Variants in KIF13A observed in about 807,000 individuals in gnomAD.
The protein encoded by KIF13A is kinesin family member 13A.
A neutral mutation model predicts 212.2 loss-of-function variants in KIF13A; 79 were observed. The ratio of observed to expected loss-of-function variants is 0.37; its 90% CI spans 0.31 to 0.45. The LOEUF is 0.45. Ranked by LOEUF, KIF13A falls within the 20% of genes least tolerant of loss-of-function variation. The pLI, the probability that KIF13A is intolerant of heterozygous loss-of-function variation, is 1.00. For synonymous variants in KIF13A, 789 were observed against 808.6 expected, an observed-to-expected ratio of 0.98 and a Z score of 0.41; for missense variants, 1,901 against 2,209.0, an observed-to-expected ratio of 0.86 and a Z score of 2.79.
chr6:17,972,917 A>G (rs1186319028), intron 2 of KIF13A, among the ~76,000 whole-genome samples: 1 of 152,124 alleles, frequency 6.6e-6, no homozygotes, highest in African/African-American at 2.4e-5. Flanking sequence ...AGCCTCTTCT[A>G]ACAGCAGCCA....
chr6:17,888,096 C>A lies in KIF13A; in HGVS notation c.159+10072G>T, dbSNP rs560659225. Among the ~76,000 whole-genome samples the A allele has an allele frequency of 6.6e-6, 1 of 152,068 alleles. No homozygotes were observed. Among genetic ancestry groups the A allele is most frequent in the Non-Finnish European group, 1.5e-5 (1 of 68,006 alleles). ...TGAAGTTCCATGTTTAGCTATGAAG[C>A]CTTCTTCCTCAGAAGACACAAGACA... On this transcript the variant is annotated intron_variant, in intron 3 of 38. Coordinates refer to ENST00000259711, the MANE Select transcript of KIF13A (RefSeq NM_022113.6). The surrounding 1 kb of genome is among the most constrained non-coding windows in gnomAD (Gnocchi z 4.8).
At chr6:17,902,526 G>A (rs942726537) in intron 2 of KIF13A, among the ~76,000 whole-genome samples, 1 of 151,968 alleles carries the variant, frequency 6.6e-6, no homozygotes, top group Non-Finnish European at 1.5e-5. Context: ...TCTCTTCCAG[G>A]TCACCCACAC....
rs1444506232 is a variant in KIF13A, at chr6:17,987,162, G to C, written c.56-18C>G. 6.3e-7 allele frequency: 1 copy of C among 1,595,760 alleles called. No homozygotes were observed. The highest frequency in any genetic ancestry group is 2.3e-5 in the East Asian group (1 of 44,322). Reference sequence around the variant, plus strand: ...TTCCAGTTCTGAAAGCAGAGAGAAAGGGACGTTGCAAAGTCCAGCATCCGC... The same window carrying C: ...TTCCAGTTCTGAAAGCAGAGAGAAACGGACGTTGCAAAGTCCAGCATCCGC... On this transcript the variant is annotated intron_variant, in intron 1 of 38. Coordinates refer to ENST00000259711, the MANE Select transcript of KIF13A (RefSeq NM_022113.6). The surrounding 1 kb of genome is among the most constrained non-coding windows in gnomAD (Gnocchi z 7.7).
intron 2 of KIF13A, among the ~76,000 whole-genome samples, chr6:17,942,704 G>A (rs1037486206): frequency 2.6e-5 from 4 of 152,234 alleles, no homozygotes; most frequent in South Asian, 2.1e-4. Flanking sequence ...TAGGCCGGGC[G>A]CAGTGGCTCA....
intron 6 of KIF13A, among the ~76,000 whole-genome samples, chr6:17,853,588 C>G (rs900116353): frequency 9.9e-5 from 15 of 152,048 alleles, no homozygotes; most frequent in Non-Finnish European, 2.1e-4. Context: ...GCAGGAACCA[C>G]ACAAAAGACA....
chr6:17,832,407 C>A (rs1043842864), intron 12 of KIF13A, among the ~76,000 whole-genome samples: 3 of 151,946 alleles, frequency 2.0e-5, no homozygotes, highest in Non-Finnish European at 4.4e-5. Flanking sequence ...GAGGCTAAGG[C>A]GGGTGGATCA....
intron 4 of KIF13A, chr6:17,873,133 C>T: frequency 2.5e-6 from 1 of 407,572 alleles, no homozygotes; most frequent in Non-Finnish European, 4.4e-6. Context: ...GGATAAAATA[C>T]CACAAGGAGG....
chr6:17,794,491 A>G lies in KIF13A; in HGVS notation c.3075+81T>C, dbSNP rs1455778039. The G allele has an allele frequency of 1.3e-6, 2 of 1,556,346 alleles. No homozygotes were observed. The highest frequency in any genetic ancestry group is 2.8e-5 in the African/African-American group (2 of 72,582). On this transcript the variant is annotated intron_variant, in intron 24 of 38. Coordinates refer to ENST00000259711, the MANE Select transcript of KIF13A (RefSeq NM_022113.6). This position sits in a 1 kb window ranked among gnomAD's most constrained non-coding sequence, Gnocchi z 4.1. ...AGGATTAGAGAATAAAGATACAAAT[A>G]GTTAGAAAATCCCCAGAAACAATGT... is the stretch of plus-strand genomic sequence containing the variant.
chr6:17,783,080 A>G lies in KIF13A; in HGVS notation c.3544+566T>C, dbSNP rs1760746570. ...TTTTGAGGAGCCCTAGGGCCCTGCC[A>G]AAGGATCTACCAGGATCCTGCCCAC... On this transcript the variant is annotated intron_variant, in intron 29 of 38. Transcript: ENST00000259711. This position sits in a 1 kb window ranked among gnomAD's most constrained non-coding sequence, Gnocchi z 4.3. Among the ~76,000 whole-genome samples, 1 of 152,242 alleles carries G rather than the reference A, an allele frequency of 6.6e-6. No individual in the cohort carries two copies. Among genetic ancestry groups the G allele is most frequent in the South Asian group, 2.1e-4 (1 of 4,838 alleles).
Position 17,834,705 on chromosome 6 carries a change from T to C in KIF13A, c.1156-634A>G, listed in dbSNP as rs1482381506. 1.3e-5 allele frequency among the ~76,000 whole-genome samples: 2 copies of C among 152,222 alleles called. No individual in the cohort carries two copies. The highest frequency in any genetic ancestry group is 2.9e-5 in the Non-Finnish European group (2 of 68,044). On this transcript the variant is annotated intron_variant, in intron 11 of 38. Coordinates refer to ENST00000259711, the MANE Select transcript of KIF13A (RefSeq NM_022113.6). The surrounding 1 kb of genome is among the most constrained non-coding windows in gnomAD (Gnocchi z 4.0). ...AAATTTTGAGGGGAGAGGCCTTTAC[T>C]TGTCAATAATATGCTTTGACACCTT...
intron 4 of KIF13A, among the ~76,000 whole-genome samples, chr6:17,868,606 A>G (rs1433942365): frequency 6.6e-6 from 1 of 151,712 alleles, no homozygotes; most frequent in Non-Finnish European, 1.5e-5. Context: ...TTCTTTTTGA[A>G]GCAAAAAAAA....
intron 2 of KIF13A, among the ~76,000 whole-genome samples, chr6:17,935,484 G>A (rs1776376029): frequency 6.6e-6 from 1 of 152,200 alleles, no homozygotes; most frequent in African/African-American, 2.4e-5. Flanking sequence ...CAGAAGCTCA[G>A]TTCTGGGGCT....
chr6:17,984,040 C>T lies in KIF13A; in HGVS notation c.146+3014G>A, dbSNP rs1185990974. Among the ~76,000 whole-genome samples, 1 of 149,924 alleles carries T rather than the reference C, an allele frequency of 6.7e-6. No individual in the cohort carries two copies. Among genetic ancestry groups the T allele is most frequent in the East Asian group, 2.0e-4 (1 of 4,990 alleles). On this transcript the variant is annotated intron_variant, in intron 2 of 38. Transcript: ENST00000259711. The surrounding 1 kb of genome is among the most constrained non-coding windows in gnomAD (Gnocchi z 5.0). ...TCCCATCACATTTGCTAAGCCCTTG[C>T]TAAGTGCCAGTATGCAGGAGCATGA... is the stretch of plus-strand genomic sequence containing the variant.
At position 17,836,916 on chromosome 6, in the gene KIF13A, C is replaced by T. The variant is rs371586560; in HGVS notation, c.1117G>A (p.Glu373Lys). 8.1e-6 allele frequency: 13 copies of T among 1,613,898 alleles called. No individual in the cohort carries two copies. The African/African-American group carries it at 1.6e-4, about 20-fold the overall frequency. Residue 373 changes from glutamate (E) to lysine (K), a missense_variant, in exon 11 of 39, where the codon GAA (glutamate) becomes AAA (lysine). Glu to Lys is a moderately conservative substitution (Grantham distance 56). Transcript: ENST00000259711. Reference protein sequence around the residue: ...NAKVIRELREEVEKLREQLSQ... With the variant: ...NAKVIRELREKVEKLREQLSQ... ...AGCTGCTCTCTCAGTTTCTCGACTT[C>T]CTCCCGCAGTTCTCGGATCACTTTT...
chr6:17,910,249 A>ATCGC (rs1161654838), intron 2 of KIF13A, among the ~76,000 whole-genome samples: 1 of 152,256 alleles, frequency 6.6e-6, no homozygotes, highest in African/African-American at 2.4e-5. Context: ...TATTACCCAT[A>ATCGC]TCGCTAGCTA....
chr6:17,920,606 G>C (rs1774974864), intron 2 of KIF13A, among the ~76,000 whole-genome samples: 1 of 152,134 alleles, frequency 6.6e-6, no homozygotes, highest in African/African-American at 2.4e-5. Context: ...GGGTGCGGTG[G>C]CTCACGCCTG....
At chr6:17,810,523 A>G (rs1763341655) in intron 17 of KIF13A, among the ~76,000 whole-genome samples, 1 of 152,204 alleles carries the variant, frequency 6.6e-6, no homozygotes, top group Non-Finnish European at 1.5e-5. Flanking sequence ...CAACTTTTCC[A>G]TGGACCGAGG....
chr6:17,786,023 A>T lies in KIF13A; in HGVS notation c.3362-382T>A, dbSNP rs369275833. On this transcript the variant is annotated intron_variant, in intron 27 of 38. Transcript: ENST00000259711. The surrounding 1 kb of genome is among the most constrained non-coding windows in gnomAD (Gnocchi z 5.4). ...AAATGGATTTGAGTCTTTGAAGTTC[A>T]AGCAAGAGCATGCATAGGGAGCTAA... 1.5e-4 allele frequency among the ~76,000 whole-genome samples: 23 copies of T among 152,222 alleles called. No individual in the cohort carries two copies. The highest frequency in any genetic ancestry group is 5.1e-4 in the African/African-American group (21 of 41,470).
At position 17,843,099 on chromosome 6, in the gene KIF13A, T is replaced by G. The variant is rs538850593; in HGVS notation, c.831-5516A>C. On this transcript the variant is annotated intron_variant, in intron 9 of 38. Coordinates refer to ENST00000259711, the MANE Select transcript of KIF13A (RefSeq NM_022113.6). The surrounding 1 kb of genome is among the most constrained non-coding windows in gnomAD (Gnocchi z 5.3). ...TATTTCTCTGCTTTTCTATTTAGAT[T>G]GTGATTACCTTGAAGGCAGACGGTG... Among the ~76,000 whole-genome samples, 2 of 152,338 alleles carry G rather than the reference T, an allele frequency of 1.3e-5. No homozygotes were observed. The highest frequency in any genetic ancestry group is 4.1e-4 in the South Asian group (2 of 4,830).
Sources: gnomAD v4.1 joint callset for allele counts (sites outside exome capture counted in the v4.1 genomes callset) on GRCh38, gnomAD v4.1.1 for gene constraint, Gnocchi (gnomAD v3.1) non-coding constraint, MANE v1.5 for transcripts, NCBI Gene and HGNC (gene_info 2026-07-23, HGNC 2026-07-21) for gene names.